ADCY6: variants seen among roughly 807,000 people sequenced by gnomAD.
ADCY6 encodes adenylate cyclase type 6.
A neutral mutation model predicts 111.6 loss-of-function variants in ADCY6; 59 were observed. The ratio of observed to expected loss-of-function variants is 0.53; its 90% confidence interval spans 0.43 to 0.66. ADCY6 has a LOEUF of 0.66. Among genes scored for constraint, ADCY6 ranks in the 30% least tolerant of loss-of-function variants. The pLI is 0.00. For synonymous variants in ADCY6, 576 were observed against 642.9 expected, an observed-to-expected ratio of 0.90 and a Z score of 1.57; for missense variants, 1,242 against 1,595.6, an observed-to-expected ratio of 0.78 and a Z score of 3.78.
At chr12:48,781,761 A>G (rs534533256) in intron 2 of ADCY6, among the ~76,000 whole-genome samples, 138 of 152,302 alleles carry the variant, frequency 9.1e-4, no homozygotes, top group African/African-American at 3.0e-3. Flanking sequence ...AAAAGAATAC[A>G]GCCCACTGGA....
In ADCY6 at chr12:48,777,596, C is replaced by G; in HGVS notation, c.1136+19G>C. On this transcript the variant is annotated intron_variant, in intron 4 of 21. Coordinates refer to ENST00000357869, the MANE Select transcript of ADCY6 (RefSeq NM_015270.5). The surrounding 1 kb of genome is among the most constrained non-coding windows in gnomAD (Gnocchi z 4.9). Reference sequence around the variant, plus strand: ...CCAGACCCCCCGCCCTGCTGGGCATCCTCCTACCCTCACCCTACCTGACAT... The same window carrying G: ...CCAGACCCCCCGCCCTGCTGGGCATGCTCCTACCCTCACCCTACCTGACAT... 6.2e-7 allele frequency: 1 copy of G among 1,613,150 alleles called. No individual in the cohort carries two copies.
At chr12:48,775,100 A>C in intron 11 of ADCY6, 46 bp from the exon 12 acceptor site, 1 of 1,508,494 alleles carries the variant, frequency 6.6e-7, no homozygotes. Context: ...TCCCTAAGGA[A>C]GGCAGGGACA....
rs1941635555 is a variant in ADCY6 at position 48,774,386 on chromosome 12, C to A, written c.2283+16G>T. ...GGCACAGAGCAGAGGTGGGAGAATT[C>A]CCACTGGACCCTTACCATGTTGGCA... On this transcript the variant is annotated intron_variant, in intron 14 of 21. Coordinates refer to ENST00000357869, the MANE Select transcript of ADCY6 (RefSeq NM_015270.5). 6.2e-7 allele frequency: 1 copy of A among 1,600,276 alleles called. No individual in the cohort carries two copies. Among genetic ancestry groups the A allele is most frequent in the Non-Finnish European group, 8.6e-7 (1 of 1,167,712 alleles).
In ADCY6 at chr12:48,782,896, T is replaced by C. The variant is rs1225571707; in HGVS notation, c.539A>G (p.Tyr180Cys). 5.0e-6 allele frequency: 8 copies of C among 1,613,790 alleles called. No individual in the cohort carries two copies. The highest frequency in any genetic ancestry group is 5.9e-6 in the Non-Finnish European group (7 of 1,179,936). ...HAAPARPQPA[Y>C]VALLACAAAL... ...GGCGGCACAGGCCAACAGTGCCACA[T>C]AGGCAGGCTGAGGGCGGGCGGGTGC... The change falls in exon 2 of 22, where the codon TAT (tyrosine) becomes TGT (cysteine). Residue 180 changes from tyrosine to cysteine, a missense_variant. By Grantham distance (194) the Tyr-to-Cys change is radical. Around this residue, in one of 4 missense-constraint regions of ADCY6, gnomAD observed 362 missense variants for 377.2 expected, o/e 0.96. Transcript: ENST00000357869. The surrounding 1 kb of genome is among the most constrained non-coding windows in gnomAD (Gnocchi z 4.3).
rs1003755564 is a variant in ADCY6, at chr12:48,784,346, CAAAGA to C, written c.-4-913_-4-909del. On this transcript the variant is annotated intron_variant, in intron 1 of 21. Transcript: ENST00000357869. ...AAATAAAATAAAATAAAATAAAATA[CAAAGA>C]AAAGAAAAGAAGAAAGAGTTGCCCA... is the stretch of plus-strand genomic sequence containing the variant. 4.7e-5 allele frequency among the ~76,000 whole-genome samples: 7 copies of C among 149,894 alleles called. No individual in the cohort carries two copies. In the East Asian group the frequency reaches 7.8e-4, roughly 17 times the overall value.
intron 1 of ADCY6, among the ~76,000 whole-genome samples, chr12:48,785,724 A>T (rs1047071451): frequency 7.2e-5 from 11 of 152,254 alleles, no homozygotes; most frequent in Non-Finnish European, 1.2e-4. Context: ...ACTGTTCAAG[A>T]TCTTTTCACA....
At chr12:48,770,673 A>G (rs1941511965) in intron 20 of ADCY6, 93 bp downstream of exon 20, 1 of 1,314,350 alleles carries the variant, frequency 7.6e-7, no homozygotes, top group South Asian at 1.3e-5. Context: ...AGGAGCCCTG[A>G]TGGGAAATCT....
At position 48,774,716 on chromosome 12, in the gene ADCY6, A is replaced by G. The variant is rs756168639; in HGVS notation, c.2141T>C (p.Ile714Thr). 6.2e-7 allele frequency: 1 copy of G among 1,614,156 alleles called. No homozygotes were observed. The highest frequency in any genetic ancestry group is 1.1e-5 in the South Asian group (1 of 91,084). The change falls in exon 13 of 22, where the codon ATC (isoleucine) becomes ACC (threonine). Residue 714 changes from isoleucine to threonine, a missense_variant. Physicochemically the swap from Ile to Thr is moderately conservative, Grantham distance 89 (BLOSUM62 -1). This residue lies in a region of ADCY6 where 375 missense variants were observed against 432.5 expected (regional missense o/e 0.87). Transcript: ENST00000357869. ...IFLLLLITVL[I>T]CAVYSCGSLF... ...AGAACCACAGGAGTACACAGCACAG[A>G]TCAGCACGGTGATTAGCAGCAGCAG...
chr12:48,768,702 C>T lies in ADCY6; in HGVS notation c.3396G>A (p.Leu1132=), dbSNP rs779330449. ...VPDRIQVTTD[L]YQVLAAKGYQ... is the part of the protein sequence containing the mutation. ...AGCCCTTGGCAGCTAGAACCTGGTA[C>T]AGGTCCGTGGTCACCTGGGGGAGTG... Residue 1132 remains leucine, a synonymous_variant, in exon 22 of 22, where the codon CTG becomes CTA. Coordinates refer to ENST00000357869, the MANE Select transcript of ADCY6 (RefSeq NM_015270.5). 1.2e-5 allele frequency: 19 copies of T among 1,614,014 alleles called. No homozygotes were observed. The highest frequency in any genetic ancestry group is 8.5e-7 in the Non-Finnish European group (1 of 1,179,992).
chr12:48,774,781 G>A lies in ADCY6; in HGVS notation c.2079-3C>T. ...AGATCCCAAGCATCAGGGTGGAGCT[G>A]GGGCAGAACAGGGCCAGAAAAATCA... On this transcript the variant is annotated splice_polypyrimidine_tract_variant and splice_region_variant and intron_variant, in intron 12 of 21. Coordinates refer to ENST00000357869, the MANE Select transcript of ADCY6 (RefSeq NM_015270.5). 6.2e-7 allele frequency: 1 copy of A among 1,613,860 alleles called. No individual in the cohort carries two copies. Among genetic ancestry groups the A allele is most frequent in the Middle Eastern group, 1.7e-4 (1 of 6,060 alleles).
In ADCY6 at chr12:48,774,403, A is replaced by T. The variant is rs755600084; in HGVS notation, c.2282T>A (p.Met761Lys). Reference sequence around the variant, plus strand: ...GGAGAATTCCCACTGGACCCTTACCATGTTGGCAATGGCAGAAGTAAACAC... The same window carrying T: ...GGAGAATTCCCACTGGACCCTTACCTTGTTGGCAATGGCAGAAGTAAACAC... The part of the protein sequence containing the change: ...LLVFTSAIAN[M>K]FTCNHTPIRS... The change falls in exon 14 of 22, where the codon ATG becomes AAG. Residue 761 changes from methionine to lysine, a missense_variant and splice_region_variant. Physicochemically the swap from Met to Lys is moderately conservative, Grantham distance 95. Transcript: ENST00000357869. 1.2e-6 allele frequency: 2 copies of T among 1,611,582 alleles called. No homozygotes were observed. The highest frequency in any genetic ancestry group is 3.3e-5 in the Admixed American group (2 of 60,002).
At chr12:48,772,008 A>C (rs754474561) in intron 18 of ADCY6, 35 bp from the exon 19 acceptor site, 1 of 1,583,326 alleles carries the variant, frequency 6.3e-7, no homozygotes, top group Non-Finnish European at 8.6e-7. Context: ...ATTGCCCGAC[A>C]TTCACAAGGG....
intron 2 of ADCY6, among the ~76,000 whole-genome samples, chr12:48,780,541 G>C (rs1396009687): frequency 6.6e-6 from 1 of 152,210 alleles, no homozygotes; most frequent in Non-Finnish European, 1.5e-5. Context: ...TGCCTATCGA[G>C]ATCCACTACA....
At chr12:48,772,612 G>A in intron 16 of ADCY6, 69 bp from the exon 17 acceptor site, 7 of 1,559,986 alleles carry the variant, frequency 4.5e-6, no homozygotes, top group South Asian at 1.1e-5. Context: ...CATGGAAGGG[G>A]AGACAAGAGA....
chr12:48,778,399 C>T (rs1380945795), intron 2 of ADCY6, 142 bp from the exon 3 acceptor site: 2 of 948,806 alleles, frequency 2.1e-6, no homozygotes, highest in Non-Finnish European at 3.2e-6. Context: ...GCCACTGCCA[C>T]CCCTGCAATA....
chr12:48,780,429 G>A (rs745404125), intron 2 of ADCY6, among the ~76,000 whole-genome samples: 3 of 152,178 alleles, frequency 2.0e-5, no homozygotes, highest in Non-Finnish European at 2.9e-5. Context: ...ACCCAAATGG[G>A]CACAGGGAAT....
rs879253864 is a variant in ADCY6, at chr12:48,771,786, T to C, written c.2975A>G (p.Tyr992Cys). ...CTCATTGTTTGCCTCCAGCTCCACATAGAACTCAGAGAAGTTGGCAATGGA... is the reference window on the plus strand; with the variant it reads ...CTCATTGTTTGCCTCCAGCTCCACACAGAACTCAGAGAAGTTGGCAATGGA... ...FASIANFSEF[Y>C]VELEANNEGV... The change falls in exon 19 of 22, where the codon TAT (tyrosine) becomes TGT (cysteine). Residue 992 changes from tyrosine (Y) to cysteine (C), a missense_variant. Transcript: ENST00000357869. This position sits in a 1 kb window ranked among gnomAD's most constrained non-coding sequence, Gnocchi z 4.3. The C allele has an allele frequency of 6.2e-6, 10 of 1,613,996 alleles. No individual in the cohort carries two copies. Among genetic ancestry groups the C allele is most frequent in the Non-Finnish European group, 8.5e-6 (10 of 1,180,036 alleles).
intron 15 of ADCY6, 102 bp from the exon 16 acceptor site, chr12:48,773,749 CACCCCTCAA>C (rs768295264): frequency 6.7e-7 from 1 of 1,503,504 alleles, no homozygotes; most frequent in South Asian, 1.2e-5. Context: ...CTTCCCACCA[CACCCCTCAA>C]ACCCCCATAT....
chr12:48,767,985 C>T lies in ADCY6; in HGVS notation c.*606G>A, dbSNP rs1262166678. The T allele has an allele frequency of 6.3e-6, 1 of 157,486 alleles. No individual in the cohort carries two copies. Among genetic ancestry groups the T allele is most frequent in the East Asian group, 1.9e-4 (1 of 5,224 alleles). 9.8% of individuals were successfully genotyped at this position (157,486 alleles called of 1,614,324 possible). On this transcript the variant is annotated 3_prime_UTR_variant, in exon 22 of 22. Coordinates refer to ENST00000357869, the MANE Select transcript of ADCY6 (RefSeq NM_015270.5). The stretch of plus-strand genomic sequence containing the variant: ...CAGATCATGGGACTAAGATTTGGCA[C>T]ATGGAAACATTCTCCTGAAATATGG...
Sources: allele counts gnomAD v4.1 joint callset (sites outside exome capture counted in the v4.1 genomes callset), GRCh38; gene constraint gnomAD v4.1.1; regional missense constraint gnomAD v4.1.1; non-coding constraint Gnocchi (gnomAD v3.1); transcripts MANE v1.5; gene names NCBI Gene and HGNC (gene_info 2026-07-23, HGNC 2026-07-21).